The following RABGGTB variants were observed in gnomAD, a reference collection of about 807,000 sequenced individuals.
The protein encoded by RABGGTB is Rab geranylgeranyltransferase subunit beta.
A neutral mutation model predicts 44.5 loss-of-function variants in RABGGTB; 20 were observed. That is an observed-to-expected ratio of 0.45 (90% CI 0.32 to 0.65). RABGGTB has a LOEUF of 0.65. RABGGTB is among the 30% of genes least tolerant of loss of function. RABGGTB has a pLI of 0.05. For missense variants in RABGGTB, 302 were observed against 398.7 expected (o/e 0.76, Z 2.06); for synonymous variants, 128 against 136.7 (o/e 0.94, Z 0.44).
At chr1:75,789,018 T>TA in intron 2 of RABGGTB, 141 bp from the exon 3 acceptor site, 1 of 680,654 alleles carries the variant, frequency 1.5e-6, no homozygotes, top group Non-Finnish European at 2.5e-6. Context: ...GCACAGATTT[T>TA]AAACTCACTA....
Position 75,789,987 on chromosome 1 carries a change from C to T in RABGGTB, c.345C>T (p.Asp115=), listed in dbSNP as rs911245128. 10 of 1,611,160 alleles carry T rather than the reference C, an allele frequency of 6.2e-6. No individual in the cohort carries two copies. The highest frequency in any genetic ancestry group is 4.0e-5 in the African/African-American group (3 of 74,742). ...LTLYDSINVI[D]VNKVVEYVKG... is the part of the protein sequence containing the mutation. The stretch of plus-strand genomic sequence containing the variant: ...TGTATGACAGTATTAATGTTATTGA[C>T]GTAAATAAAGTTGTGGAATATGTTA... Residue 115 remains aspartate (D), a synonymous_variant, in exon 4 of 9, where the codon GAC becomes GAT. Coordinates refer to ENST00000319942, the MANE Select transcript of RABGGTB (RefSeq NM_004582.4).
intron 1 of RABGGTB, 89 bp downstream of exon 1, chr1:75,786,363 T>C: frequency 6.5e-7 from 1 of 1,547,018 alleles, no homozygotes; most frequent in Non-Finnish European, 8.9e-7. Flanking sequence ...TTAGGATTGG[T>C]TTCCTGGTGC....
At chr1:75,792,601 T>C (rs1356148432) in intron 7 of RABGGTB, among the ~76,000 whole-genome samples, 2 of 152,178 alleles carry the variant, frequency 1.3e-5, no homozygotes, top group Non-Finnish European at 2.9e-5. Context: ...GACTACAGAA[T>C]TTTTGTTTGC....
chr1:75,788,334 C>G (rs1181496601), intron 2 of RABGGTB: 1 of 164,532 alleles, frequency 6.1e-6, no homozygotes, highest in East Asian at 1.7e-4. Flanking sequence ...GCTATAACCT[C>G]ACTTTGTTGC....
At chr1:75,786,313 TAGC>T (rs763752368) in intron 1 of RABGGTB, 39 bp downstream of exon 1, 16 of 1,613,350 alleles carry the variant, frequency 9.9e-6, no homozygotes, top group Non-Finnish European at 1.4e-5. Flanking sequence ...GATGGGTTGG[TAGC>T]AGACAGGGTG....
intron 4 of RABGGTB, chr1:75,790,582 GT>G: frequency 9.8e-6 from 7 of 711,664 alleles, no homozygotes; most frequent in Non-Finnish European, 1.0e-5. Context: ...CTTCTCTTTG[GT>G]TTTCTTCTCT....
chr1:75,787,419 G>C lies in RABGGTB; in HGVS notation c.4-78G>C. The C allele has an allele frequency of 4.8e-6, 5 of 1,040,162 alleles. No homozygotes were observed. In the South Asian group the frequency reaches 6.8e-5, roughly 14 times the overall value. 64.4% of individuals were successfully genotyped at this position (1,040,162 alleles called of 1,614,324 possible). A position where few individuals can be genotyped will look rare whatever the true frequency, so the allele number is the denominator to read the frequency against. ...GATGAAATCAAGTGAAAATTGAGAT[G>C]TATGTTGAATCTATGCTGTGGGGCA... On this transcript the variant is annotated intron_variant, in intron 1 of 8. Coordinates refer to ENST00000319942, the MANE Select transcript of RABGGTB (RefSeq NM_004582.4).
Position 75,786,606 on chromosome 1 carries a change from C to T in RABGGTB, c.3+332C>T, listed in dbSNP as rs913214267. On this transcript the variant is annotated intron_variant, in intron 1 of 8. Coordinates refer to ENST00000319942, the MANE Select transcript of RABGGTB (RefSeq NM_004582.4). Reference sequence around the variant, plus strand: ...GGGGTGTCAAAGATTTCTTTAAAATCGTTAGTGATGTGGTCTCGCTTTAAG... The same window carrying T: ...GGGGTGTCAAAGATTTCTTTAAAATTGTTAGTGATGTGGTCTCGCTTTAAG... The T allele has an allele frequency of 1.7e-5, 6 of 346,486 alleles. No homozygotes were observed. The Admixed American group carries it at 1.8e-4, about 11-fold the overall frequency. 21.5% of individuals were successfully genotyped at this position (346,486 alleles called of 1,614,324 possible). A position where few individuals can be genotyped will look rare whatever the true frequency, so the allele number is the denominator to read the frequency against.
intron 2 of RABGGTB, chr1:75,787,823 A>G (rs952596205): frequency 3.6e-5 from 25 of 694,510 alleles, no homozygotes; most frequent in Non-Finnish European, 5.5e-5. Flanking sequence ...CTTGCCAGAC[A>G]AAGTAGATGA....
rs1318564101 is a variant in RABGGTB at position 75,792,301 on chromosome 1, G to T, written c.700G>T (p.Glu234Ter). 14 of 1,613,732 alleles carry T rather than the reference G, an allele frequency of 8.7e-6. No individual in the cohort carries two copies. The Admixed American group carries it at 2.3e-4, about 27-fold the overall frequency. The change falls in exon 7 of 9, where the codon GAG becomes TAG. Residue 234 changes from glutamate to a stop codon, truncating the protein, a stop_gained. Coordinates refer to ENST00000319942, the MANE Select transcript of RABGGTB (RefSeq NM_004582.4). LOFTEE classifies it high-confidence loss of function. ...LPSGGLNGRPEKLPDVCYSWW... is the reference protein window; with the variant it reads ...LPSGGLNGRP ...CTCAGGCGGGCTCAATGGAAGGCCG[G>T]AGAAGGTATTGTTTGATAAGCCATA...
intron 1 of RABGGTB, chr1:75,786,708 G>A (rs1463862271): frequency 3.6e-6 from 1 of 276,420 alleles, no homozygotes; most frequent in East Asian, 1.0e-4. Context: ...AGTGACTGCA[G>A]TGTACTCTCA....
intron 2 of RABGGTB, chr1:75,788,152 G>A (rs1649546764): frequency 3.4e-6 from 1 of 296,182 alleles, no homozygotes; most frequent in East Asian, 7.8e-5. Flanking sequence ...TAAGTGTTAG[G>A]TTCCCATAAC....
intron 7 of RABGGTB, among the ~76,000 whole-genome samples, 173 bp downstream of exon 7, chr1:75,792,479 C>A (rs1649669257): frequency 6.6e-6 from 1 of 152,126 alleles, no homozygotes; most frequent in South Asian, 2.1e-4. Flanking sequence ...AAAGTAGACC[C>A]CCATGAGTTG....
At chr1:75,789,387 G>C (rs972873139) in intron 3 of RABGGTB, 31 bp downstream of exon 3, 1 of 1,587,536 alleles carries the variant, frequency 6.3e-7, no homozygotes, top group African/African-American at 1.3e-5. Flanking sequence ...CAACGATCTT[G>C]ATAGTATGTT....
chr1:75,793,989 A>G (rs1160603587), intron 7 of RABGGTB, 95 bp from the exon 8 acceptor site: 3 of 979,122 alleles, frequency 3.1e-6, no homozygotes, highest in South Asian at 2.1e-5. Context: ...TGAACATCAG[A>G]TTACCTAAGA....
At chr1:75,786,330 T>A in intron 1 of RABGGTB, 56 bp downstream of exon 1, 2 of 1,604,138 alleles carry the variant, frequency 1.2e-6, no homozygotes, top group African/African-American at 2.7e-5. Context: ...CAGGGTGGAG[T>A]AGGGTTAAGC....
chr1:75,788,220 C>T (rs1328970281), intron 2 of RABGGTB: 5 of 190,984 alleles, frequency 2.6e-5, no homozygotes, highest in Non-Finnish European at 4.5e-5. Context: ...GGGCTGGACT[C>T]GTTTCTGCCT....
At chr1:75,787,947 T>C (rs756242401) in intron 2 of RABGGTB, 4 of 547,130 alleles carry the variant, frequency 7.3e-6, no homozygotes, top group Admixed American at 5.8e-5. Flanking sequence ...AATAACACTT[T>C]AGCTCTAGAA....
In RABGGTB at chr1:75,791,441, A is replaced by G. The variant is rs1315059194; in HGVS notation, c.469-20A>G. On this transcript the variant is annotated intron_variant, in intron 5 of 8. Transcript: ENST00000319942. ...CTGAATACTCTGGAATTTAACAGGC[A>G]TCTTTTTTTTTGTTTGTAGGGGAAG... 3 of 1,589,712 alleles carry G rather than the reference A, an allele frequency of 1.9e-6. No individual in the cohort carries two copies. In the Admixed American group the frequency reaches 5.2e-5, roughly 28 times the overall value.
Sources: allele counts gnomAD v4.1 joint callset (sites outside exome capture counted in the v4.1 genomes callset), GRCh38; gene constraint gnomAD v4.1.1; transcripts MANE v1.5; gene names NCBI Gene and HGNC (gene_info 2026-07-23, HGNC 2026-07-21).